Variants in ADARB2 observed in about 807,000 individuals in gnomAD.
ADARB2 encodes adenosine deaminase RNA specific B2 (inactive), also known as inactive double-stranded RNA-specific editase B2.
In ADARB2, 25 loss-of-function variants were observed where a neutral mutation model predicts 62.2. The observed-to-expected ratio is 0.40, with a 90% CI of 0.29 to 0.56. The LOEUF is 0.56. ADARB2 is among the 20% of genes least tolerant of loss of function. The probability of loss-of-function intolerance (pLI) is 0.43; values close to 1 mark genes in which losing one functional copy is unlikely to be tolerated. For missense variants in ADARB2, 1,071 were observed against 1,077.4 expected (o/e 0.99, Z 0.08); for synonymous variants, 572 against 500.8 (o/e 1.14, Z -1.90).
At chr10:1,618,878 G>T (rs1453291834) in intron 1 of ADARB2, among the ~76,000 whole-genome samples, 2 of 152,170 alleles carry the variant, frequency 1.3e-5, no homozygotes, top group East Asian at 3.8e-4. Context: ...CATTTGAAGA[G>T]AAAATTAAAC....
intron 1 of ADARB2, among the ~76,000 whole-genome samples, chr10:1,715,301 A>T (rs1027619496): frequency 9.9e-5 from 15 of 152,122 alleles, no homozygotes. Flanking sequence ...GTGTATTTCC[A>T]TTGGCAGAAC....
intron 1 of ADARB2, among the ~76,000 whole-genome samples, chr10:1,615,060 G>C (rs952125485): frequency 6.6e-6 from 1 of 152,140 alleles, no homozygotes; most frequent in Non-Finnish European, 1.5e-5. Flanking sequence ...TGTTGGATTG[G>C]TAAAAAACAG....
At chr10:1,611,361 AGAC>A (rs1251504635) in intron 1 of ADARB2, among the ~76,000 whole-genome samples, 1 of 152,246 alleles carries the variant, frequency 6.6e-6, no homozygotes, top group Non-Finnish European at 1.5e-5. Flanking sequence ...AAATAATTTA[AGAC>A]ACTAAGACAG....
intron 3 of ADARB2, among the ~76,000 whole-genome samples, chr10:1,334,238 TTTG>T (rs1442256034): frequency 6.6e-6 from 1 of 152,152 alleles, no homozygotes; most frequent in Non-Finnish European, 1.5e-5. Flanking sequence ...GAATAATTAA[TTTG>T]TTAACTAATG....
intron 1 of ADARB2, among the ~76,000 whole-genome samples, chr10:1,577,669 C>T (rs1233392764): frequency 5.9e-5 from 9 of 152,062 alleles, no homozygotes; most frequent in East Asian, 5.8e-4. Context: ...GTGGGTGGAG[C>T]GAATGTGCAG....
chr10:1,442,191 A>G (rs1231539214), intron 1 of ADARB2, among the ~76,000 whole-genome samples: 1 of 152,204 alleles, frequency 6.6e-6, no homozygotes, highest in Non-Finnish European at 1.5e-5. Context: ...CCCTGTCCCA[A>G]TAAATAGTTT....
At chr10:1,219,090 G>C (rs34314544) in intron 6 of ADARB2, among the ~76,000 whole-genome samples, 2 of 145,626 alleles carry the variant, frequency 1.4e-5, no homozygotes, top group South Asian at 2.2e-4. Flanking sequence ...CATCTCCCCC[G>C]CCCTCTCACT....
intron 3 of ADARB2, among the ~76,000 whole-genome samples, chr10:1,359,712 CT>C (rs1224505649): frequency 6.6e-6 from 1 of 152,220 alleles, no homozygotes; most frequent in Non-Finnish European, 1.5e-5. Flanking sequence ...GACAGAGACT[CT>C]TCCCGCCGCG....
intron 4 of ADARB2, among the ~76,000 whole-genome samples, chr10:1,257,299 G>A (rs1831088712): frequency 6.6e-6 from 1 of 152,296 alleles, no homozygotes; most frequent in South Asian, 2.1e-4. Context: ...ACTGTCGATT[G>A]TAGCTTCATA....
intron 1 of ADARB2, among the ~76,000 whole-genome samples, chr10:1,638,554 G>A (rs1204377883): frequency 2.0e-5 from 3 of 151,972 alleles, no homozygotes; most frequent in Non-Finnish European, 4.4e-5. Context: ...CATATTTCAG[G>A]TGAACCTTTA....
intron 8 of ADARB2, chr10:1,186,499 C>T (rs1333916111): frequency 3.9e-6 from 2 of 518,982 alleles, no homozygotes; most frequent in Admixed American, 1.9e-5. Flanking sequence ...TGCATGGCCT[C>T]TACCTGACGC....
At chr10:1,634,649 T>C (rs117396610) in intron 1 of ADARB2, among the ~76,000 whole-genome samples, 43 of 152,358 alleles carry the variant, frequency 2.8e-4, no homozygotes, top group Non-Finnish European at 5.7e-4. Flanking sequence ...TATTATAATA[T>C]GTCGCATGAC....
At chr10:1,195,015 C>G (rs1217886929) in intron 8 of ADARB2, among the ~76,000 whole-genome samples, 1 of 152,188 alleles carries the variant, frequency 6.6e-6, no homozygotes, top group Non-Finnish European at 1.5e-5. Context: ...GAGTGGAGAC[C>G]ATTTCAAGCT....
chr10:1,200,266 G>A, intron 7 of ADARB2, 119 bp from the exon 8 acceptor site: 2 of 1,388,490 alleles, frequency 1.4e-6, no homozygotes, highest in Non-Finnish European at 2.0e-6. Context: ...TGCGGACCTT[G>A]GGGAGCTCCC....
At chr10:1,699,564 A>G (rs1486137994) in intron 1 of ADARB2, among the ~76,000 whole-genome samples, 1 of 131,894 alleles carries the variant, frequency 7.6e-6, no homozygotes, top group African/African-American at 3.0e-5. Flanking sequence ...CCGGGAGACC[A>G]GGCGCTCGCC....
intron 1 of ADARB2, among the ~76,000 whole-genome samples, chr10:1,608,859 G>A (rs920778196): frequency 5.3e-5 from 8 of 151,408 alleles, no homozygotes; most frequent in African/African-American, 2.0e-4. Flanking sequence ...GGGAGATGGG[G>A]GTAGGGACAG....
intron 1 of ADARB2, among the ~76,000 whole-genome samples, chr10:1,416,937 A>G (rs749993596): frequency 1.3e-5 from 2 of 152,226 alleles, no homozygotes; most frequent in African/African-American, 4.8e-5. Context: ...TCCCCCTGAA[A>G]CATTCCATGT....
intron 6 of ADARB2, among the ~76,000 whole-genome samples, chr10:1,223,089 C>G (rs1430881921): frequency 1.3e-5 from 2 of 152,124 alleles, no homozygotes; most frequent in African/African-American, 4.8e-5. Context: ...TCTTTTATTT[C>G]ATTGAGCTGT....
chr10:1,549,605 C>T (rs10903477), intron 1 of ADARB2, among the ~76,000 whole-genome samples: 87,457 of 151,542 alleles, frequency 0.58, 25,483 homozygotes, highest in East Asian at 0.76. Flanking sequence ...AAATAAGAGG[C>T]GAACGCAATG....
Sources: allele counts gnomAD v4.1 joint callset (sites outside exome capture counted in the v4.1 genomes callset), GRCh38; gene constraint gnomAD v4.1.1; transcripts MANE v1.5; gene names NCBI Gene and HGNC (gene_info 2026-07-23, HGNC 2026-07-21).